The following PTPRG variants were observed in gnomAD, a reference collection of about 807,000 sequenced individuals.
The protein encoded by PTPRG is protein tyrosine phosphatase receptor type G.
A neutral mutation model predicts 165.3 loss-of-function variants in PTPRG; 102 were observed. That is an observed-to-expected ratio of 0.62 (90% confidence interval 0.53 to 0.73). The LOEUF (loss-of-function observed/expected upper bound fraction) is 0.73, where lower values mean the gene tolerates loss of function less well. Ranked by LOEUF, PTPRG falls within the 30% of genes least tolerant of loss-of-function variation. PTPRG has a pLI of 0.00. For synonymous variants in PTPRG, 675 were observed against 669.5 expected (o/e 1.01, Z -0.13); for missense variants, 1,866 against 1,861.4 (o/e 1.00, Z -0.05).
chr3:61,606,223 G>A (rs995076784), intron 1 of PTPRG, among the ~76,000 whole-genome samples: 3 of 152,174 alleles, frequency 2.0e-5, no homozygotes, highest in Admixed American at 1.3e-4. Flanking sequence ...TTAGCAGAAC[G>A]TAGCGCTTCA....
At chr3:61,576,752 CTTG>C (rs1700181469) in intron 1 of PTPRG, among the ~76,000 whole-genome samples, 1 of 152,040 alleles carries the variant, frequency 6.6e-6, no homozygotes, top group African/African-American at 2.4e-5. Context: ...TTAAGGTTTG[CTTG>C]TCCATAAAAT....
At chr3:62,066,855 T>G (rs1701029763) in intron 4 of PTPRG, among the ~76,000 whole-genome samples, 1 of 152,028 alleles carries the variant, frequency 6.6e-6, no homozygotes, top group African/African-American at 2.4e-5. Flanking sequence ...CTGCTCAACA[T>G]GGTGAAACCC....
intron 12 of PTPRG, among the ~76,000 whole-genome samples, chr3:62,208,488 A>C (rs1036156755): frequency 6.6e-6 from 1 of 152,160 alleles, no homozygotes; most frequent in African/African-American, 2.4e-5. Flanking sequence ...GTGAACACTC[A>C]TTGCTGAAGG....
At chr3:61,705,996 A>C (rs76139795) in intron 1 of PTPRG, among the ~76,000 whole-genome samples, 8,344 of 152,282 alleles carry the variant, frequency 0.055, 318 homozygotes, top group East Asian at 0.15. Context: ...ATGTGCCCTA[A>C]GGGACAGTTA....
intron 2 of PTPRG, among the ~76,000 whole-genome samples, chr3:61,906,059 G>A (rs1166766673): frequency 6.6e-6 from 1 of 152,058 alleles, no homozygotes; most frequent in East Asian, 1.9e-4. Context: ...AGCTCTAAAA[G>A]TACATGTGAC....
chr3:61,991,131 C>A (rs2040877666), intron 3 of PTPRG, among the ~76,000 whole-genome samples: 1 of 152,222 alleles, frequency 6.6e-6, no homozygotes, highest in South Asian at 2.1e-4. Context: ...AGCAGGTGAC[C>A]CTCTCCTGTA....
intron 1 of PTPRG, among the ~76,000 whole-genome samples, chr3:61,576,215 A>G (rs1389037339): frequency 6.6e-6 from 1 of 152,154 alleles, no homozygotes; most frequent in Non-Finnish European, 1.5e-5. Context: ...TTTTTGACAG[A>G]GGTTTAGCAA....
intron 4 of PTPRG, among the ~76,000 whole-genome samples, chr3:62,057,517 C>G (rs1700671750): frequency 6.6e-6 from 1 of 152,220 alleles, no homozygotes; most frequent in Admixed American, 6.5e-5. Context: ...AGTGCATTTT[C>G]TCTTGGCCCC....
Position 62,255,309 on chromosome 3 carries a change from C to A in PTPRG, c.2559+94C>A. The A allele has an allele frequency of 1.1e-6, 1 of 906,126 alleles. No homozygotes were observed. The highest frequency in any genetic ancestry group is 1.7e-6 in the Non-Finnish European group (1 of 584,932). 56.1% of individuals were successfully genotyped at this position (906,126 alleles called of 1,614,324 possible). A position where few individuals can be genotyped will look rare whatever the true frequency, so the allele number is the denominator to read the frequency against. On this transcript the variant is annotated intron_variant, in intron 16 of 29. Coordinates refer to ENST00000474889, the MANE Select transcript of PTPRG (RefSeq NM_002841.4). The surrounding 1 kb of genome is among the most constrained non-coding windows in gnomAD (Gnocchi z 4.0). ...TGAACTGAATTCATTCCAAGCATAA[C>A]AAAACAGTAACTACGGAAAGTGGAG...
At chr3:62,097,348 G>A (rs1457169161) in intron 5 of PTPRG, among the ~76,000 whole-genome samples, 2 of 152,166 alleles carry the variant, frequency 1.3e-5, no homozygotes, top group East Asian at 1.9e-4. Context: ...ACCTGTGTCC[G>A]TTCCAGCAAA....
chr3:61,599,115 T>C (rs1700778813), intron 1 of PTPRG, among the ~76,000 whole-genome samples: 2 of 152,174 alleles, frequency 1.3e-5, no homozygotes, highest in Non-Finnish European at 2.9e-5. Context: ...ACCTACAGAT[T>C]TGGAATTAGC....
chr3:62,050,772 A>G (rs1448663438), intron 4 of PTPRG, among the ~76,000 whole-genome samples: 1 of 152,164 alleles, frequency 6.6e-6, no homozygotes, highest in Admixed American at 6.6e-5. Flanking sequence ...CTGTTTTTCT[A>G]GTGAGCTCTT....
At chr3:62,185,316 C>T (rs192346878) in intron 8 of PTPRG, among the ~76,000 whole-genome samples, 147 of 152,260 alleles carry the variant, frequency 9.7e-4, no homozygotes, top group South Asian at 1.0e-3. Flanking sequence ...TTTAGAGATC[C>T]GGGTGTGGCA....
At chr3:61,956,767 G>T (rs577477803) in intron 2 of PTPRG, among the ~76,000 whole-genome samples, 1 of 152,150 alleles carries the variant, frequency 6.6e-6, no homozygotes. Context: ...CATACCTTTT[G>T]TATGACATTT....
intron 4 of PTPRG, among the ~76,000 whole-genome samples, chr3:62,048,466 CCTT>C (rs1700366393): frequency 1.3e-5 from 2 of 152,168 alleles, no homozygotes; most frequent in Non-Finnish European, 2.9e-5. Flanking sequence ...GAAAGTAAAT[CCTT>C]CTGTCTGGGC....
At position 62,204,720 on chromosome 3, in the gene PTPRG, A is replaced by T. The variant is rs116750060; in HGVS notation, c.2155+770A>T. Among the ~76,000 whole-genome samples, 1,023 of 152,296 alleles carry T rather than the reference A, an allele frequency of 6.7e-3. 14 individuals are homozygous for T. The highest frequency in any genetic ancestry group is 0.023 in the African/African-American group (969 of 41,558). On this transcript the variant is annotated intron_variant, in intron 12 of 29. Coordinates refer to ENST00000474889, the MANE Select transcript of PTPRG (RefSeq NM_002841.4). ...ATTGGCCCATGGTCCTTGCCCAAGAAATACGGCCCTCTCTCCCAGAGCTCC... is the reference window on the plus strand; with the variant it reads ...ATTGGCCCATGGTCCTTGCCCAAGATATACGGCCCTCTCTCCCAGAGCTCC...
At chr3:62,265,896 T>TACACACACACACACACACACAC (rs143246257) in intron 17 of PTPRG, among the ~76,000 whole-genome samples, 4,814 of 130,396 alleles carry the variant, frequency 0.037, 150 homozygotes, top group Middle Eastern at 0.073. Flanking sequence ...GTGCCTTATA[T>TACACACACACACACACACACAC]ACACACACAC....
chr3:61,621,966 A>G (rs1457149218), intron 1 of PTPRG, among the ~76,000 whole-genome samples: 1 of 152,218 alleles, frequency 6.6e-6, no homozygotes, highest in Non-Finnish European at 1.5e-5. Context: ...TATTATCTCC[A>G]CAGTCCCTGT....
At chr3:61,952,890 A>T (rs376353028) in intron 2 of PTPRG, among the ~76,000 whole-genome samples, 3 of 152,310 alleles carry the variant, frequency 2.0e-5, no homozygotes, top group African/African-American at 7.2e-5. Flanking sequence ...ACATCGCTTC[A>T]AGTTTACCCT....
Sources: allele counts gnomAD v4.1 joint callset (sites outside exome capture counted in the v4.1 genomes callset), GRCh38; gene constraint gnomAD v4.1.1; non-coding constraint Gnocchi (gnomAD v3.1); transcripts MANE v1.5; gene names NCBI Gene and HGNC (gene_info 2026-07-23, HGNC 2026-07-21).